PLCE1: variants seen among roughly 807,000 people sequenced by gnomAD.
PLCE1 encodes the protein 1-phosphatidylinositol 4,5-bisphosphate phosphodiesterase epsilon-1.
Under a neutral mutation model 242.8 loss-of-function variants are expected in PLCE1, and 119 were observed. That is an observed-to-expected ratio of 0.49 (90% CI 0.42 to 0.57). The LOEUF (loss-of-function observed/expected upper bound fraction) is 0.57, where lower values mean the gene tolerates loss of function less well. Among genes scored for constraint, PLCE1 ranks in the 20% least tolerant of loss-of-function variants. The pLI is 0.00. For missense variants in PLCE1, 2,441 were observed against 2,788.8 expected (o/e 0.88, Z 2.81); for synonymous variants, 945 against 1,017.4 (o/e 0.93, Z 1.35).
intron 3 of PLCE1, among the ~76,000 whole-genome samples, chr10:94,132,870 A>AACC (rs898623835): frequency 1.3e-5 from 2 of 150,822 alleles, no homozygotes; most frequent in Non-Finnish European, 2.9e-5. Flanking sequence ...GAATGGTGTG[A>AACC]ACCTGAGAGG....
chr10:94,150,528 T>TAG (rs2047241433), intron 3 of PLCE1, among the ~76,000 whole-genome samples: 1 of 152,216 alleles, frequency 6.6e-6, no homozygotes, highest in African/African-American at 2.4e-5. Context: ...TCCAGCCACA[T>TAG]AGGATACTTT....
rs901921866 is a variant in PLCE1, at chr10:94,032,357, T to C, written c.1206+105T>C. On this transcript the variant is annotated intron_variant, in intron 2 of 32. Transcript: ENST00000371380. ...AATTGATGAGAAATTTTAAGATCTG[T>C]CAAATTATGATTCTTAGGTTAAGCA... 5.4e-5 allele frequency: 55 copies of C among 1,024,958 alleles called. No homozygotes were observed. The African/African-American group carries it at 8.0e-4, about 15-fold the overall frequency. The allele number at this position is 1,024,958 out of a possible 1,614,324, so 63.5% of individuals were successfully genotyped here. A position where few individuals can be genotyped will look rare whatever the true frequency, so the allele number is the denominator to read the frequency against.
At chr10:94,220,482 A>T (rs1168891723) in intron 4 of PLCE1, among the ~76,000 whole-genome samples, 1 of 146,816 alleles carries the variant, frequency 6.8e-6, no homozygotes, top group African/African-American at 2.5e-5. Context: ...GGAAGCCTTG[A>T]GAGAAGAGGT....
intron 2 of PLCE1, among the ~76,000 whole-genome samples, chr10:94,085,483 G>T (rs931047203): frequency 6.6e-6 from 1 of 152,174 alleles, no homozygotes; most frequent in East Asian, 1.9e-4. Flanking sequence ...AATGTGTTTG[G>T]GGGTAGAGCT....
chr10:94,058,283 T>A (rs2043959115), intron 2 of PLCE1, among the ~76,000 whole-genome samples: 1 of 152,222 alleles, frequency 6.6e-6, no homozygotes, highest in African/African-American at 2.4e-5. Context: ...CAGTGTGCAG[T>A]CTTTCTCTCA....
Position 94,224,456 on chromosome 10 carries a change from A to T in PLCE1, c.1810-2850A>T, listed in dbSNP as rs141596059. Among the ~76,000 whole-genome samples, 22 of 152,286 alleles carry T rather than the reference A, an allele frequency of 1.4e-4. No individual in the cohort carries two copies. The East Asian group carries it at 4.2e-3, about 29-fold the overall frequency. ...GCATGGTATCAGAACAGCCTGAAAG[A>T]ATGACAACTTTCCAGAGACCCTGAT... On this transcript the variant is annotated intron_variant, in intron 4 of 32. Coordinates refer to ENST00000371380, the MANE Select transcript of PLCE1 (RefSeq NM_016341.4).
intron 4 of PLCE1, among the ~76,000 whole-genome samples, chr10:94,221,101 G>A (rs924086462): frequency 3.3e-5 from 5 of 152,170 alleles, no homozygotes; most frequent in Non-Finnish European, 7.3e-5. Flanking sequence ...TAAGCCCCTG[G>A]GTGAGTTCTC....
intron 4 of PLCE1, chr10:94,225,210 T>C (rs1383372980): frequency 6.6e-6 from 1 of 152,232 alleles, no homozygotes; most frequent in Admixed American, 6.5e-5. Context: ...TTTGTTTCTA[T>C]GTAGGGATAG....
chr10:94,117,154 A>G (rs1007171921), intron 2 of PLCE1, among the ~76,000 whole-genome samples: 2 of 152,198 alleles, frequency 1.3e-5, no homozygotes, highest in African/African-American at 4.8e-5. Context: ...TGAATGGCTC[A>G]GCAAGGTTGG....
intron 3 of PLCE1, among the ~76,000 whole-genome samples, chr10:94,137,396 T>C (rs1337932355): frequency 6.6e-6 from 1 of 152,074 alleles, no homozygotes; most frequent in Non-Finnish European, 1.5e-5. Context: ...AAAAACAAGA[T>C]AAAGTTAAAA....
intron 4 of PLCE1, among the ~76,000 whole-genome samples, chr10:94,201,293 C>G (rs1219372941): frequency 6.6e-6 from 1 of 152,118 alleles, no homozygotes; most frequent in Non-Finnish European, 1.5e-5. Flanking sequence ...GTAAATGGGA[C>G]AGCAGTCCCT....
In PLCE1 at chr10:94,141,527, AAGGGAAGGTGAAGGGAAG is replaced by A. The variant is rs1564727088; in HGVS notation, c.1492+9069_1492+9086del. Among the ~76,000 whole-genome samples the A allele has an allele frequency of 2.0e-4, 25 of 126,686 alleles. No homozygotes were observed. The East Asian group carries it at 5.1e-3, about 26-fold the overall frequency. The allele number at this position is 126,686 out of a possible 152,430, so 83.1% of individuals were successfully genotyped here. A position where few individuals can be genotyped will look rare whatever the true frequency, so the allele number is the denominator to read the frequency against. ...GCGAAGGGAAGGTGAAGGGAAGGCT[AAGGGAAGGTGAAGGGAAG>A]GCTAAGGGAAGGTGAAGGGAAGGCT... is the stretch of plus-strand genomic sequence containing the variant. On this transcript the variant is annotated intron_variant, in intron 3 of 32. Transcript: ENST00000371380.
At chr10:94,120,487 G>A (rs1316207220) in intron 2 of PLCE1, among the ~76,000 whole-genome samples, 1 of 152,138 alleles carries the variant, frequency 6.6e-6, no homozygotes, top group Non-Finnish European at 1.5e-5. Context: ...GATCCTTGGG[G>A]GATTTGGAGA....
chr10:94,253,209 T>G (rs780262464), intron 9 of PLCE1, among the ~76,000 whole-genome samples: 1 of 152,184 alleles, frequency 6.6e-6, no homozygotes, highest in Non-Finnish European at 1.5e-5. Context: ...TGACTCACAG[T>G]TCTGCAGGTG....
intron 22 of PLCE1, among the ~76,000 whole-genome samples, chr10:94,285,315 AAGGT>A (rs1459497286): frequency 6.6e-6 from 1 of 152,154 alleles, no homozygotes; most frequent in African/African-American, 2.4e-5. Flanking sequence ...ATGATTCTAC[AAGGT>A]AGGCGGTATT....
At chr10:94,045,487 C>A (rs563474017) in intron 2 of PLCE1, among the ~76,000 whole-genome samples, 54 of 152,204 alleles carry the variant, frequency 3.5e-4, no homozygotes, top group Middle Eastern at 6.8e-3. Context: ...GATAAACTGG[C>A]CAAGGCCCTA....
intron 1 of PLCE1, among the ~76,000 whole-genome samples, chr10:94,024,350 G>A (rs139169960): frequency 5.9e-5 from 9 of 152,052 alleles, no homozygotes; most frequent in South Asian, 2.1e-4. Flanking sequence ...TCTCTTTTCC[G>A]TGATGGTGAA....
intron 1 of PLCE1, among the ~76,000 whole-genome samples, chr10:93,998,748 G>C (rs2060877494): frequency 6.6e-6 from 1 of 152,220 alleles, no homozygotes; most frequent in Non-Finnish European, 1.5e-5. Flanking sequence ...TGGTAGGCTA[G>C]ATCATGATCT....
intron 4 of PLCE1, among the ~76,000 whole-genome samples, chr10:94,191,910 C>G (rs1024402914): frequency 6.6e-6 from 1 of 152,184 alleles, no homozygotes; most frequent in African/African-American, 2.4e-5. Context: ...TGGGAAGAAA[C>G]CCCTGGTTTT....
Sources: allele counts gnomAD v4.1 joint callset (sites outside exome capture counted in the v4.1 genomes callset), GRCh38; gene constraint gnomAD v4.1.1; transcripts MANE v1.5; gene names NCBI Gene and HGNC (gene_info 2026-07-23, HGNC 2026-07-21).